CDC42SE2: variants seen among roughly 807,000 people sequenced by gnomAD.
CDC42SE2 encodes CDC42 small effector protein 2.
In CDC42SE2, 3 loss-of-function variants were observed where a neutral mutation model predicts 11.5. That is an observed-to-expected ratio of 0.26 (90% CI 0.12 to 0.67). The LOEUF is 0.67. CDC42SE2 is among the 30% of genes least tolerant of loss of function. The pLI is 0.80. For missense variants in CDC42SE2, 82 were observed against 106.8 expected (o/e 0.77, Z 1.02); for synonymous variants, 33 against 34.8 (o/e 0.95, Z 0.18).
chr5:131,268,349 C>T (rs1327106083), intron 1 of CDC42SE2, among the ~76,000 whole-genome samples: 1 of 151,980 alleles, frequency 6.6e-6, no homozygotes, highest in African/African-American at 2.4e-5. Flanking sequence ...AGGCGTGAGC[C>T]ACCGTGCCCG....
chr5:131,223,759 C>A, the CDC42SE2 span, among the ~76,000 whole-genome samples: 1 of 152,166 alleles, frequency 6.6e-6, no homozygotes, highest in African/African-American at 2.4e-5. Context: ...ATCTACTGCC[C>A]AATTTTTTAA....
the CDC42SE2 span, among the ~76,000 whole-genome samples, chr5:131,239,626 G>A: frequency 1.3e-5 from 2 of 152,088 alleles, no homozygotes; most frequent in African/African-American, 4.8e-5. Context: ...GACCACTGTT[G>A]AAAGAACAAC....
intron 3 of CDC42SE2, among the ~76,000 whole-genome samples, chr5:131,370,892 A>T (rs1356574360): frequency 6.6e-6 from 1 of 152,174 alleles, no homozygotes. Flanking sequence ...GTCTAGAGTT[A>T]GTGAGGATTG....
At chr5:131,252,018 AAAGT>A (rs1455432875) in intron 1 of CDC42SE2, among the ~76,000 whole-genome samples, 1 of 151,494 alleles carries the variant, frequency 6.6e-6, no homozygotes, top group African/African-American at 2.4e-5. Context: ...CTGTCTCAAA[AAAGT>A]AAGAAGAAAA....
chr5:131,307,372 C>T (rs928551713), intron 1 of CDC42SE2, among the ~76,000 whole-genome samples: 57 of 151,906 alleles, frequency 3.8e-4, no homozygotes, highest in East Asian at 1.9e-4. Context: ...CAATTTCATC[C>T]ATGTCCCTAC....
At chr5:131,348,191 G>A (rs1375337310) in intron 2 of CDC42SE2, among the ~76,000 whole-genome samples, 1 of 152,192 alleles carries the variant, frequency 6.6e-6, no homozygotes, top group Non-Finnish European at 1.5e-5. Context: ...ATTAGGAAAA[G>A]AGGAAGTCAA....
At chr5:131,336,896 T>A (rs1758578977) in intron 2 of CDC42SE2, among the ~76,000 whole-genome samples, 1 of 152,196 alleles carries the variant, frequency 6.6e-6, no homozygotes, top group Non-Finnish European at 1.5e-5. Context: ...AGTTTTTAAC[T>A]TCCTTGCCAT....
chr5:131,334,881 G>A lies in CDC42SE2; in HGVS notation c.-286+18737G>A, dbSNP rs6880781. On this transcript the variant is annotated intron_variant, in intron 2 of 4. Transcript: ENST00000505065. ...TTTCTTCTTTATTAGTCTTGCTAGCGGTCTATCAATTTTGTTGATCTTTTC... is the reference window on the plus strand; with the variant it reads ...TTTCTTCTTTATTAGTCTTGCTAGCAGTCTATCAATTTTGTTGATCTTTTC... Among the ~76,000 whole-genome samples, 732 of 151,996 alleles carry A rather than the reference G, an allele frequency of 4.8e-3. 10 individuals are homozygous for A. The highest frequency in any genetic ancestry group is 0.017 in the African/African-American group (690 of 41,448).
chr5:131,334,042 A>C (rs761792188), intron 2 of CDC42SE2, among the ~76,000 whole-genome samples: 28 of 152,088 alleles, frequency 1.8e-4, no homozygotes, highest in Non-Finnish European at 3.4e-4. Context: ...GTCTTGTGCC[A>C]GTTTTCAAAG....
intron 1 of CDC42SE2, among the ~76,000 whole-genome samples, chr5:131,268,696 C>A (rs1756925489): frequency 6.6e-6 from 1 of 151,194 alleles, no homozygotes; most frequent in Non-Finnish European, 1.5e-5. Flanking sequence ...AGGTGATCTG[C>A]CTGCCTTAGC....
chr5:131,315,753 A>G (rs1365541758), intron 1 of CDC42SE2, among the ~76,000 whole-genome samples: 1 of 152,180 alleles, frequency 6.6e-6, no homozygotes, highest in African/African-American at 2.4e-5. Context: ...GTGGGTAGAT[A>G]TAATGTGGAA....
the CDC42SE2 span, among the ~76,000 whole-genome samples, chr5:131,220,267 C>A: frequency 2.6e-5 from 4 of 152,094 alleles, no homozygotes; most frequent in African/African-American, 7.2e-5. Context: ...AGTGCCGTGG[C>A]ACCATCTCGG....
intron 1 of CDC42SE2, among the ~76,000 whole-genome samples, chr5:131,314,911 A>G (rs1231392011): frequency 6.6e-6 from 1 of 152,192 alleles, no homozygotes; most frequent in Non-Finnish European, 1.5e-5. Context: ...ATTTATAGGC[A>G]ATTTCAGCAA....
At chr5:131,304,317 G>A (rs1757739627) in intron 1 of CDC42SE2, among the ~76,000 whole-genome samples, 1 of 152,006 alleles carries the variant, frequency 6.6e-6, no homozygotes, top group South Asian at 2.1e-4. Flanking sequence ...TTTAGCTAAG[G>A]AAATAATTCA....
chr5:131,350,342 A>G (rs1435156508), intron 2 of CDC42SE2, among the ~76,000 whole-genome samples: 2 of 150,746 alleles, frequency 1.3e-5, no homozygotes, highest in African/African-American at 2.4e-5. Context: ...ATAAAAATAC[A>G]AAAAAAAAGA....
intron 1 of CDC42SE2, among the ~76,000 whole-genome samples, chr5:131,272,896 T>A (rs967503771): frequency 6.6e-6 from 1 of 152,200 alleles, no homozygotes; most frequent in African/African-American, 2.4e-5. Flanking sequence ...CTAATCTCAG[T>A]GGATGTAGAA....
chr5:131,347,612 C>A (rs567579280), intron 2 of CDC42SE2, among the ~76,000 whole-genome samples: 1 of 152,248 alleles, frequency 6.6e-6, no homozygotes, highest in African/African-American at 2.4e-5. Flanking sequence ...CTACTCCAAT[C>A]AATAGAAAAA....
At chr5:131,351,293 T>C (rs953400705) in intron 2 of CDC42SE2, among the ~76,000 whole-genome samples, 1 of 151,720 alleles carries the variant, frequency 6.6e-6, no homozygotes, top group African/African-American at 2.4e-5. Flanking sequence ...CTCGCTCTGT[T>C]GCCCAGGCTG....
At chr5:131,360,783 C>T (rs768665109) in intron 3 of CDC42SE2, among the ~76,000 whole-genome samples, 12 of 152,038 alleles carry the variant, frequency 7.9e-5, no homozygotes, top group Non-Finnish European at 1.6e-4. Context: ...TAATTGTACA[C>T]GTAACTCCCA....
Sources: gnomAD v4.1 joint callset for allele counts (sites outside exome capture counted in the v4.1 genomes callset) on GRCh38, gnomAD v4.1.1 for gene constraint, MANE v1.5 for transcripts, NCBI Gene and HGNC (gene_info 2026-07-23, HGNC 2026-07-21) for gene names.